The following PRELID2 variants were observed in gnomAD, a reference collection of about 807,000 sequenced individuals.
The protein encoded by PRELID2 is PRELI domain containing 2.
PRELID2 carries 25 observed loss-of-function variants against 28.4 expected under a neutral mutation model. The ratio of observed to expected loss-of-function variants is 0.88; its 90% confidence interval spans 0.64 to 1.23. PRELID2 has a LOEUF of 1.23. Ranked by LOEUF, PRELID2 falls within the 50% of genes most tolerant of loss-of-function variation. The pLI, the probability that PRELID2 is intolerant of heterozygous loss-of-function variation, is 0.00. For synonymous variants in PRELID2, 76 were observed against 71.6 expected, an observed-to-expected ratio of 1.06 and a Z score of -0.31; for missense variants, 201 against 214.4, an observed-to-expected ratio of 0.94 and a Z score of 0.39.
intron 1 of PRELID2, among the ~76,000 whole-genome samples, chr5:145,498,553 A>C (rs1752327152): frequency 6.6e-6 from 1 of 151,926 alleles, no homozygotes; most frequent in African/African-American, 2.4e-5. Flanking sequence ...GTTTTGAGAC[A>C]AAGTCTCACT....
At chr5:145,494,976 G>A (rs1018484186) in intron 1 of PRELID2, among the ~76,000 whole-genome samples, 3 of 152,158 alleles carry the variant, frequency 2.0e-5, no homozygotes, top group Non-Finnish European at 4.4e-5. Flanking sequence ...TATGTCTTCA[G>A]CAGTAGAAAA....
At chr5:145,350,575 TCTTTTGAGGAGC>T in the PRELID2 span, among the ~76,000 whole-genome samples, 1 of 152,172 alleles carries the variant, frequency 6.6e-6, no homozygotes, top group Non-Finnish European at 1.5e-5. Context: ...CCTTTCTTAT[TCTTTTGAGGAGC>T]CTTCACTCAT....
At chr5:145,305,457 A>C in the PRELID2 span, among the ~76,000 whole-genome samples, 1 of 152,138 alleles carries the variant, frequency 6.6e-6, no homozygotes, top group Non-Finnish European at 1.5e-5. Context: ...AATTTTCCAC[A>C]GAAGGAAAAA....
At chr5:145,774,462 C>G (rs1758288436) in intron 5 of PRELID2, among the ~76,000 whole-genome samples, 2 of 152,208 alleles carry the variant, frequency 1.3e-5, no homozygotes, top group Admixed American at 1.3e-4. Flanking sequence ...TGGCACACAA[C>G]AGACTTTTGT....
chr5:145,302,951 G>A, the PRELID2 span, among the ~76,000 whole-genome samples: 60 of 152,222 alleles, frequency 3.9e-4, 1 homozygote, highest in Non-Finnish European at 1.8e-4. Flanking sequence ...GGGATTTGGG[G>A]AGCATAACAC....
At chr5:145,529,066 A>G (rs910363263) in intron 1 of PRELID2, among the ~76,000 whole-genome samples, 4 of 152,172 alleles carry the variant, frequency 2.6e-5, no homozygotes, top group Non-Finnish European at 5.9e-5. Context: ...AATTGGATCA[A>G]TGCTGAAGTT....
chr5:145,339,819 G>T, the PRELID2 span, among the ~76,000 whole-genome samples: 1 of 152,068 alleles, frequency 6.6e-6, no homozygotes, highest in African/African-American at 2.4e-5. Context: ...TGAGAGCCTA[G>T]CCTCTAAAGA....
chr5:145,387,139 A>G, the PRELID2 span, among the ~76,000 whole-genome samples: 1 of 152,222 alleles, frequency 6.6e-6, no homozygotes, highest in African/African-American at 2.4e-5. Context: ...ATGACCAGGT[A>G]TACTTACTAA....
intron 1 of PRELID2, among the ~76,000 whole-genome samples, chr5:145,650,545 T>C (rs1406333183): frequency 8.3e-6 from 1 of 120,134 alleles, no homozygotes; most frequent in Non-Finnish European, 1.7e-5. Context: ...TATATATATA[T>C]ATATATATAT....
At chr5:145,713,785 T>TTTTAAATGTAATTACA (rs1255044090) in intron 1 of PRELID2, among the ~76,000 whole-genome samples, 2 of 149,062 alleles carry the variant, frequency 1.3e-5, no homozygotes, top group Non-Finnish European at 3.0e-5. Flanking sequence ...TGGAATTACA[T>TTTTAAATGTAATTACA]TTTAAATGTA....
At chr5:145,247,163 G>A in the PRELID2 span, among the ~76,000 whole-genome samples, 1 of 152,088 alleles carries the variant, frequency 6.6e-6, no homozygotes, top group East Asian at 1.9e-4. Context: ...TCCCACCCAG[G>A]AACAGAAGAC....
At chr5:145,410,980 T>G in the PRELID2 span, among the ~76,000 whole-genome samples, 1 of 151,946 alleles carries the variant, frequency 6.6e-6, no homozygotes, top group Non-Finnish European at 1.5e-5. Flanking sequence ...GGTACAGGCA[T>G]TGGGTAAATA....
intron 4 of PRELID2, among the ~76,000 whole-genome samples, chr5:145,798,892 A>C (rs1212534911): frequency 6.6e-6 from 1 of 152,078 alleles, no homozygotes; most frequent in East Asian, 1.9e-4. Flanking sequence ...GGCCTAGGGG[A>C]GGGATAGCAT....
chr5:145,684,128 T>C (rs1400920496), intron 1 of PRELID2, among the ~76,000 whole-genome samples: 2 of 152,004 alleles, frequency 1.3e-5, no homozygotes, highest in African/African-American at 4.8e-5. Flanking sequence ...GGGGGAAGGA[T>C]AAGAGAGTTA....
chr5:145,771,098 G>A (rs1471736470), intron 5 of PRELID2, among the ~76,000 whole-genome samples: 1 of 151,914 alleles, frequency 6.6e-6, no homozygotes, highest in Non-Finnish European at 1.5e-5. Context: ...TTCATTCACA[G>A]TAAGTGTCCT....
At chr5:145,386,273 G>C in the PRELID2 span, among the ~76,000 whole-genome samples, 2 of 151,926 alleles carry the variant, frequency 1.3e-5, no homozygotes, top group Non-Finnish European at 2.9e-5. Context: ...GGAGGTGGAG[G>C]TAACCACCCC....
At chr5:145,247,507 A>G in the PRELID2 span, among the ~76,000 whole-genome samples, 1 of 152,134 alleles carries the variant, frequency 6.6e-6, no homozygotes, top group Non-Finnish European at 1.5e-5. Flanking sequence ...CATCTTCTGA[A>G]AAAAGAACAG....
At chr5:145,415,310 T>C in the PRELID2 span, among the ~76,000 whole-genome samples, 2 of 152,056 alleles carry the variant, frequency 1.3e-5, no homozygotes, top group African/African-American at 4.8e-5. Context: ...ACTTTAAGTT[T>C]TAGGGTACAT....
intron 1 of PRELID2, among the ~76,000 whole-genome samples, chr5:145,604,147 G>T (rs1368274542): frequency 6.6e-6 from 1 of 151,854 alleles, no homozygotes; most frequent in Non-Finnish European, 1.5e-5. Context: ...TTGTAATATA[G>T]ATAAATTGTG....
Sources: gnomAD v4.1 joint callset for allele counts (sites outside exome capture counted in the v4.1 genomes callset) on GRCh38, gnomAD v4.1.1 for gene constraint, MANE v1.5 for transcripts, NCBI Gene and HGNC (gene_info 2026-07-23, HGNC 2026-07-21) for gene names.